Variants in SLCO1B1 observed in about 807,000 individuals in gnomAD.
The protein encoded by SLCO1B1 is OATP-2.
Under a neutral mutation model 70.1 loss-of-function variants are expected in SLCO1B1, and 81 were observed. The ratio of observed to expected loss-of-function variants is 1.16; its 90% CI spans 0.97 to 1.39. The LOEUF (loss-of-function observed/expected upper bound fraction) is 1.39, where lower values mean the gene tolerates loss of function less well. SLCO1B1 is among the 40% of genes most tolerant of loss of function. SLCO1B1 has a pLI of 0.00. For missense variants in SLCO1B1, 895 were observed against 799.6 expected, an observed-to-expected ratio of 1.12 and a Z score of -1.44; for synonymous variants, 283 against 271.5, an observed-to-expected ratio of 1.04 and a Z score of -0.42.
At chr12:21,172,298 A>G (rs1231776671) in intron 2 of SLCO1B1, among the ~76,000 whole-genome samples, 2 of 152,196 alleles carry the variant, frequency 1.3e-5, no homozygotes, top group Non-Finnish European at 1.5e-5. Context: ...CAGTTAGCCA[A>G]TGCTATTCAT....
intron 2 of SLCO1B1, among the ~76,000 whole-genome samples, chr12:21,169,840 ACT>A (rs1940735434): frequency 6.7e-6 from 1 of 149,862 alleles, no homozygotes; most frequent in Non-Finnish European, 1.5e-5. Context: ...AAATCAGTCA[ACT>A]CTCCCAGATT....
chr12:21,198,075 A>C (rs967048515), intron 8 of SLCO1B1, among the ~76,000 whole-genome samples: 3 of 152,150 alleles, frequency 2.0e-5, no homozygotes, highest in African/African-American at 7.2e-5. Context: ...AGTTTTCTTT[A>C]AAGTAAGATG....
In SLCO1B1 at chr12:21,239,165, G is replaced by A. The variant is rs1231956980; in HGVS notation, c.2052G>A (p.Gly684=). Reference sequence around the variant, plus strand: ...ATAAACATTTTGTCCCTTCTGCTGGGGCAGATAGTGAAACACATTGTTAAG... The same window carrying A: ...ATAAACATTTTGTCCCTTCTGCTGGAGCAGATAGTGAAACACATTGTTAAG... ...NKNKHFVPSA[G]ADSETHC The change falls in exon 15 of 15, where the codon GGG becomes GGA. Residue 684 remains glycine (G), a synonymous_variant. Transcript: ENST00000256958. The A allele has an allele frequency of 2.5e-6, 4 of 1,612,862 alleles. No homozygotes were observed. The South Asian group carries it at 4.4e-5, about 18-fold the overall frequency.
rs1941369997 is a variant in SLCO1B1 at position 21,217,236 on chromosome 12, G to T, written c.1615G>T (p.Ala539Ser). 1 of 1,613,664 alleles carries T rather than the reference G, an allele frequency of 6.2e-7. No homozygotes were observed. The stretch of plus-strand genomic sequence containing the variant: ...TACAAGGAAATTTTACTTTTTTGTT[G>T]CAATACAAGTCTTGAATTTATTTTT... Reference protein sequence around the residue: ...ACTRKFYFFVAIQVLNLFFSA... With the variant: ...ACTRKFYFFVSIQVLNLFFSA... Residue 539 changes from alanine to serine, a missense_variant, in exon 12 of 15, where the codon GCA becomes TCA. Physicochemically the swap from Ala to Ser is moderately conservative, Grantham distance 99. Coordinates refer to ENST00000256958, the MANE Select transcript of SLCO1B1 (RefSeq NM_006446.5).
intron 2 of SLCO1B1, among the ~76,000 whole-genome samples, chr12:21,171,771 C>T (rs1264379470): frequency 6.6e-6 from 1 of 152,074 alleles, no homozygotes; most frequent in African/African-American, 2.4e-5. Flanking sequence ...TAATTGAGTT[C>T]TGATAAGGGC....
intron 7 of SLCO1B1, among the ~76,000 whole-genome samples, chr12:21,186,198 T>C (rs1940959900): frequency 6.6e-6 from 1 of 152,108 alleles, no homozygotes; most frequent in African/African-American, 2.4e-5. Flanking sequence ...GTACCTCATA[T>C]TATCTCATCT....
Position 21,224,743 on chromosome 12 carries a change from A to G in SLCO1B1, c.1769A>G (p.Tyr590Cys). ...RALGGILAPI[Y>C]FGALIDTTCI... ...ACAGGAGGAATTCTAGCTCCAATAT[A>G]TTTTGGGGCTCTGATTGATACAACG... Residue 590 changes from tyrosine (Y) to cysteine (C), a missense_variant, in exon 14 of 15, where the codon TAT becomes TGT. Transcript: ENST00000256958. 2 of 1,610,374 alleles carry G rather than the reference A, an allele frequency of 1.2e-6. No individual in the cohort carries two copies. Among genetic ancestry groups the G allele is most frequent in the Non-Finnish European group, 1.7e-6 (2 of 1,177,490 alleles).
chr12:21,152,847 G>A (rs1940492548), intron 2 of SLCO1B1, among the ~76,000 whole-genome samples: 1 of 152,120 alleles, frequency 6.6e-6, no homozygotes, highest in African/African-American at 2.4e-5. Flanking sequence ...GCTACTGAAA[G>A]AACAAGATAA....
In SLCO1B1 at chr12:21,143,650, C is replaced by A. The variant is rs73244858; in HGVS notation, c.84+1992C>A. Among the ~76,000 whole-genome samples, 775 of 152,108 alleles carry A rather than the reference C, an allele frequency of 5.1e-3. 5 individuals carry two copies. Among genetic ancestry groups the A allele is most frequent in the African/African-American group, 0.018 (733 of 41,540 alleles). On this transcript the variant is annotated intron_variant, in intron 2 of 14. Transcript: ENST00000256958. ...TAGGTCTCAAAGTTGGTAATTGGTA[C>A]ACTGAAGGTCTGAACTCAGGCAATC...
intron 2 of SLCO1B1, among the ~76,000 whole-genome samples, chr12:21,168,146 A>G (rs1436818700): frequency 2.0e-5 from 3 of 152,074 alleles, no homozygotes; most frequent in Non-Finnish European, 4.4e-5. Context: ...ATATGATAGA[A>G]TCATACAGTA....
intron 1 of SLCO1B1, among the ~76,000 whole-genome samples, chr12:21,134,592 T>A (rs989117127): frequency 6.6e-6 from 1 of 152,220 alleles, no homozygotes; most frequent in Non-Finnish European, 1.5e-5. Flanking sequence ...ATTTATCCAT[T>A]TCTGCTAGAT....
At chr12:21,149,782 G>A (rs1940442130) in intron 2 of SLCO1B1, among the ~76,000 whole-genome samples, 1 of 152,162 alleles carries the variant, frequency 6.6e-6, no homozygotes, top group South Asian at 2.1e-4. Flanking sequence ...GGCTGTTTGG[G>A]CAGACACTGA....
intron 2 of SLCO1B1, among the ~76,000 whole-genome samples, chr12:21,142,424 C>G (rs1239744504): frequency 6.6e-6 from 1 of 151,880 alleles, no homozygotes; most frequent in Non-Finnish European, 1.5e-5. Context: ...CAAGACAAAG[C>G]CTTTAAATCC....
At position 21,217,228 on chromosome 12, in the gene SLCO1B1, T is replaced by G. The variant is rs1212688065; in HGVS notation, c.1607T>G (p.Phe536Cys). The G allele has an allele frequency of 1.9e-6, 3 of 1,613,764 alleles. No homozygotes were observed. Among genetic ancestry groups the G allele is most frequent in the Non-Finnish European group, 2.5e-6 (3 of 1,179,760 alleles). The change falls in exon 12 of 15, where the codon TTT becomes TGT. Residue 536 changes from phenylalanine to cysteine, a missense_variant. Physicochemically the swap from Phe to Cys is radical, Grantham distance 205. Transcript: ENST00000256958. ...RDDACTRKFY[F>C]FVAIQVLNLF... ...GATGCTTGTACAAGGAAATTTTACTTTTTTGTTGCAATACAAGTCTTGAAT... is the reference window on the plus strand; with the variant it reads ...GATGCTTGTACAAGGAAATTTTACTGTTTTGTTGCAATACAAGTCTTGAAT...
chr12:21,172,875 T>A, intron 3 of SLCO1B1, 84 bp downstream of exon 3: 1 of 1,287,898 alleles, frequency 7.8e-7, no homozygotes, highest in Non-Finnish European at 1.1e-6. Context: ...TCAACTGGGG[T>A]AAATTTATCT....
intron 11 of SLCO1B1, among the ~76,000 whole-genome samples, chr12:21,209,056 A>G (rs1591821111): frequency 6.6e-6 from 1 of 150,908 alleles, no homozygotes; most frequent in Non-Finnish European, 1.5e-5. Context: ...TAATTAATTA[A>G]TTTATTTATT....
chr12:21,148,829 A>G (rs546280080), intron 2 of SLCO1B1, among the ~76,000 whole-genome samples: 24 of 150,336 alleles, frequency 1.6e-4, no homozygotes, highest in Non-Finnish European at 2.8e-4. Flanking sequence ...GGCCATTTTT[A>G]CAATATTGAT....
intron 14 of SLCO1B1, among the ~76,000 whole-genome samples, chr12:21,227,391 A>G (rs1941492735): frequency 6.6e-6 from 1 of 152,168 alleles, no homozygotes; most frequent in Non-Finnish European, 1.5e-5. Flanking sequence ...GTGGAGGTTT[A>G]TTAGTTCAGG....
chr12:21,230,824 TTTATTA>T (rs1260325918), intron 14 of SLCO1B1, among the ~76,000 whole-genome samples: 1 of 152,010 alleles, frequency 6.6e-6, no homozygotes, highest in Non-Finnish European at 1.5e-5. Context: ...TGCTTTCTTT[TTTATTA>T]TTATTATTAT....
Sources: gnomAD v4.1 joint callset for allele counts (sites outside exome capture counted in the v4.1 genomes callset) on GRCh38, gnomAD v4.1.1 for gene constraint, MANE v1.5 for transcripts, NCBI Gene and HGNC (gene_info 2026-07-23, HGNC 2026-07-21) for gene names.